Variants in USH2A observed in about 807,000 individuals in gnomAD.
USH2A encodes usherin, also known as Usher syndrome 2A (autosomal recessive, mild).
USH2A carries 443 observed loss-of-function variants against 538.9 expected under a neutral mutation model. The ratio of observed to expected loss-of-function variants is 0.82; its 90% CI spans 0.76 to 0.89. USH2A has a LOEUF of 0.89. Ranked by LOEUF, USH2A falls within the 40% of genes least tolerant of loss-of-function variation. The pLI, the probability that USH2A is intolerant of heterozygous loss-of-function variation, is 0.00. For synonymous variants in USH2A, 2,413 were observed against 2,273.5 expected (o/e 1.06, Z -1.75); for missense variants, 6,633 against 6,324.8 (o/e 1.05, Z -1.65).
chr1:215,936,199 C>T (rs1047058588), intron 37 of USH2A, among the ~76,000 whole-genome samples: 3 of 151,946 alleles, frequency 2.0e-5, no homozygotes, highest in African/African-American at 7.2e-5. Context: ...GAAGAACAAG[C>T]ATACTGGCAA....
chr1:215,684,827 G>T (rs1428025850), intron 61 of USH2A, among the ~76,000 whole-genome samples: 1 of 151,992 alleles, frequency 6.6e-6, no homozygotes, highest in African/African-American at 2.4e-5. Flanking sequence ...CCAAGTCACG[G>T]GGTTCCCTTG....
intron 11 of USH2A, 143 bp downstream of exon 11, chr1:216,289,137 C>G: frequency 7.9e-7 from 1 of 1,258,422 alleles, no homozygotes; most frequent in Non-Finnish European, 1.1e-6. Flanking sequence ...AAGTTGCACA[C>G]GAACAACCAT....
intron 52 of USH2A, 74 bp downstream of exon 52, chr1:215,786,596 G>A: frequency 6.6e-7 from 1 of 1,513,224 alleles, no homozygotes; most frequent in South Asian, 1.1e-5. Context: ...ATGTCAGAGT[G>A]AAATAAATCT....
intron 29 of USH2A, among the ~76,000 whole-genome samples, chr1:216,071,727 C>A (rs1558242562): frequency 6.6e-6 from 1 of 152,158 alleles, no homozygotes; most frequent in Non-Finnish European, 1.5e-5. Flanking sequence ...GAATTATACT[C>A]AAAGCGGGCT....
chr1:215,787,186 G>C (rs1455861670), intron 51 of USH2A, among the ~76,000 whole-genome samples: 2 of 152,048 alleles, frequency 1.3e-5, no homozygotes, highest in Non-Finnish European at 2.9e-5. Flanking sequence ...TTACTACCAA[G>C]GTTTGTTGTG....
chr1:216,305,555 A>C (rs1435489572), intron 9 of USH2A, among the ~76,000 whole-genome samples: 1 of 150,882 alleles, frequency 6.6e-6, no homozygotes, highest in African/African-American at 2.4e-5. Context: ...TCATCATGCT[A>C]TTTGTTGCCT....
chr1:216,130,276 T>C (rs1484719626), intron 21 of USH2A, among the ~76,000 whole-genome samples: 2 of 151,830 alleles, frequency 1.3e-5, no homozygotes, highest in African/African-American at 2.4e-5. Flanking sequence ...GTATAAACTG[T>C]ACCCTATTTG....
intron 62 of USH2A, among the ~76,000 whole-genome samples, chr1:215,678,722 ACACACACACACG>A (rs1339655877): frequency 6.6e-6 from 1 of 152,124 alleles, no homozygotes; most frequent in East Asian, 1.9e-4. Context: ...AGACACACAC[ACACACACACACG>A]CACGTGCACT....
intron 56 of USH2A, among the ~76,000 whole-genome samples, chr1:215,763,227 T>C (rs927424204): frequency 1.3e-5 from 2 of 152,162 alleles, no homozygotes; most frequent in East Asian, 3.9e-4. Context: ...TCATGTATCA[T>C]GGTGAATAAA....
chr1:216,317,683 C>CAA (rs879555489), intron 9 of USH2A, among the ~76,000 whole-genome samples: 2 of 142,166 alleles, frequency 1.4e-5, no homozygotes, highest in African/African-American at 2.6e-5. Flanking sequence ...CCCATCTCTA[C>CAA]AAAAAAAAAA....
chr1:215,953,644 T>C (rs1666988774), intron 37 of USH2A, among the ~76,000 whole-genome samples: 1 of 151,970 alleles, frequency 6.6e-6, no homozygotes, highest in South Asian at 2.1e-4. Flanking sequence ...ATTCAGGACA[T>C]AGGCATGGGC....
chr1:215,674,595 G>A lies in USH2A; in HGVS notation c.13316C>T (p.Thr4439Ile), dbSNP rs753330544. The change falls in exon 63 of 72, where the codon ACA becomes ATA. Residue 4439 changes from threonine to isoleucine, a missense_variant. Transcript: ENST00000307340. ...CATGTTCTCTGGCAGGGCCTCCATT[G>A]TCCAGGCAGATTTTGACACACTAGC... ...CTASVSKSAW[T>I]MEALPENMDS... The A allele has an allele frequency of 6.3e-5, 102 of 1,614,038 alleles. No individual in the cohort carries two copies. Among genetic ancestry groups the A allele is most frequent in the Non-Finnish European group, 8.4e-5 (99 of 1,180,024 alleles).
At chr1:215,929,893 T>C (rs1666321674) in intron 38 of USH2A, among the ~76,000 whole-genome samples, 1 of 151,974 alleles carries the variant, frequency 6.6e-6, no homozygotes. Context: ...CTTTCTTTCT[T>C]TTTTTTCTCA....
At chr1:215,920,394 AAAG>A (rs1666067564) in intron 38 of USH2A, among the ~76,000 whole-genome samples, 1 of 152,078 alleles carries the variant, frequency 6.6e-6, no homozygotes, top group Non-Finnish European at 1.5e-5. Flanking sequence ...TGGAATCATC[AAAG>A]AAGATAAAAA....
At chr1:216,111,805 A>G (rs2032880141) in intron 21 of USH2A, among the ~76,000 whole-genome samples, 1 of 151,632 alleles carries the variant, frequency 6.6e-6, no homozygotes, top group African/African-American at 2.4e-5. Context: ...GTATTTTCTT[A>G]TTCTTGCACA....
chr1:216,334,108 T>C (rs1332089246), intron 4 of USH2A, among the ~76,000 whole-genome samples: 1 of 152,072 alleles, frequency 6.6e-6, no homozygotes, highest in Non-Finnish European at 1.5e-5. Flanking sequence ...CTCTCTCACA[T>C]TTGTTTTAAA....
At chr1:215,800,492 G>A (rs1485126609) in intron 49 of USH2A, among the ~76,000 whole-genome samples, 2 of 152,118 alleles carry the variant, frequency 1.3e-5, no homozygotes, top group Admixed American at 6.5e-5. Flanking sequence ...GACTTGTCAA[G>A]CTTTCTTAAG....
Position 215,672,398 on chromosome 1 carries a change from A to G in USH2A, c.13812-1105T>C, listed in dbSNP as rs538243974. On this transcript the variant is annotated intron_variant, in intron 63 of 71. Transcript: ENST00000307340. ...TTAATTACACCTTTTTCCCTTTGTG[A>G]CTTATTTTATTCCCACTTTCTTCTC... Among the ~76,000 whole-genome samples, 9 of 150,484 alleles carry G rather than the reference A, an allele frequency of 6.0e-5. No homozygotes were observed. In the South Asian group the frequency reaches 1.5e-3, roughly 25 times the overall value.
chr1:216,007,035 C>T (rs1178046033), intron 32 of USH2A, among the ~76,000 whole-genome samples: 1 of 152,118 alleles, frequency 6.6e-6, no homozygotes, highest in African/African-American at 2.4e-5. Flanking sequence ...CCCTTCTGTT[C>T]TCATGGTAGT....
Sources: gnomAD v4.1 joint callset for allele counts (sites outside exome capture counted in the v4.1 genomes callset) on GRCh38, gnomAD v4.1.1 for gene constraint, MANE v1.5 for transcripts, NCBI Gene and HGNC (gene_info 2026-07-23, HGNC 2026-07-21) for gene names.